Variants in SHISA9 observed in about 807,000 individuals in gnomAD.
SHISA9 encodes the protein shisa family member 9.
Under a neutral mutation model 38.0 loss-of-function variants are expected in SHISA9, and 13 were observed. The ratio of observed to expected loss-of-function variants is 0.34; its 90% CI spans 0.22 to 0.54. SHISA9 has a LOEUF of 0.54. SHISA9 is among the 20% of genes least tolerant of loss of function. The pLI, the probability that SHISA9 is intolerant of heterozygous loss-of-function variation, is 0.91. For synonymous variants in SHISA9, 275 were observed against 242.0 expected (o/e 1.14, Z -1.27); for missense variants, 538 against 575.8 (o/e 0.93, Z 0.67).
chr16:13,080,867 A>G lies in SHISA9; in HGVS notation c.692-122527A>G, dbSNP rs527302704. ...TGGAGACTGGGAAGTCGAAGGACGAAGTGCCTGCAGATATGGTATCTGGTG... is the reference window on the plus strand; with the variant it reads ...TGGAGACTGGGAAGTCGAAGGACGAGGTGCCTGCAGATATGGTATCTGGTG... On this transcript the variant is annotated intron_variant, in intron 2 of 4. Transcript: ENST00000558583. Among the ~76,000 whole-genome samples the G allele has an allele frequency of 3.3e-5, 5 of 152,334 alleles. No individual in the cohort carries two copies. In the South Asian group the frequency reaches 8.3e-4, roughly 25 times the overall value.
chr16:12,936,418 A>T (rs1365533612), intron 2 of SHISA9, among the ~76,000 whole-genome samples: 1 of 152,166 alleles, frequency 6.6e-6, no homozygotes, highest in Non-Finnish European at 1.5e-5. Context: ...AGTGTCTTTA[A>T]GTTATGTGAA....
the SHISA9 span, among the ~76,000 whole-genome samples, chr16:13,534,704 C>G: frequency 6.6e-6 from 1 of 152,176 alleles, no homozygotes; most frequent in Non-Finnish European, 1.5e-5. Context: ...TCAGGGGAAA[C>G]TCTCCTTCAG....
At chr16:12,998,886 T>C (rs1434425324) in intron 2 of SHISA9, among the ~76,000 whole-genome samples, 2 of 152,212 alleles carry the variant, frequency 1.3e-5, no homozygotes, top group African/African-American at 2.4e-5. Flanking sequence ...ATATATTTTC[T>C]AAGGTCACCA....
chr16:13,527,523 C>T, the SHISA9 span, among the ~76,000 whole-genome samples: 1 of 152,142 alleles, frequency 6.6e-6, no homozygotes, highest in African/African-American at 2.4e-5. Flanking sequence ...TGTGACTAGT[C>T]TAGTTAAATA....
chr16:12,912,042 A>G (rs2071190810), intron 1 of SHISA9, among the ~76,000 whole-genome samples: 1 of 152,216 alleles, frequency 6.6e-6, no homozygotes, highest in Non-Finnish European at 1.5e-5. Context: ...GCTGGTGGTC[A>G]TCTTCCTTGG....
At chr16:13,526,676 A>G in the SHISA9 span, among the ~76,000 whole-genome samples, 1 of 152,140 alleles carries the variant, frequency 6.6e-6, no homozygotes, top group African/African-American at 2.4e-5. Context: ...ATGAACTACC[A>G]GGCCCAGGCT....
At chr16:13,117,827 T>G (rs983486582) in intron 2 of SHISA9, among the ~76,000 whole-genome samples, 2 of 152,208 alleles carry the variant, frequency 1.3e-5, no homozygotes, top group African/African-American at 4.8e-5. Context: ...AATCAGTTTC[T>G]GTATTCTGGC....
the SHISA9 span, among the ~76,000 whole-genome samples, chr16:13,261,077 C>T: frequency 6.6e-6 from 1 of 152,146 alleles, no homozygotes; most frequent in Non-Finnish European, 1.5e-5. Context: ...ATTCAATTAC[C>T]TCTGCCTGGG....
intron 2 of SHISA9, among the ~76,000 whole-genome samples, chr16:13,019,831 T>C (rs1286994076): frequency 1.8e-4 from 19 of 106,288 alleles, no homozygotes; most frequent in East Asian, 8.8e-4. Flanking sequence ...TTTCTTTCTT[T>C]CTTTTTCCTT....
intron 2 of SHISA9, among the ~76,000 whole-genome samples, chr16:13,038,564 G>A (rs538233606): frequency 1.3e-5 from 2 of 152,142 alleles, no homozygotes; most frequent in African/African-American, 2.4e-5. Context: ...TGACTAGAAC[G>A]CTTGCATCCT....
chr16:13,070,214 T>A (rs564868537), intron 2 of SHISA9, among the ~76,000 whole-genome samples: 1 of 151,480 alleles, frequency 6.6e-6, no homozygotes, highest in East Asian at 1.9e-4. Context: ...TTCTCCCTCC[T>A]CCCATCCTTT....
the SHISA9 span, among the ~76,000 whole-genome samples, chr16:13,412,516 A>T: frequency 6.6e-6 from 1 of 151,638 alleles, no homozygotes; most frequent in Non-Finnish European, 1.5e-5. Context: ...ACTGTGCAAG[A>T]CACATAGATG....
chr16:13,523,428 C>T, the SHISA9 span, among the ~76,000 whole-genome samples: 1 of 152,148 alleles, frequency 6.6e-6, no homozygotes, highest in Non-Finnish European at 1.5e-5. Context: ...GCCATTTTTG[C>T]ATTGCTACAA....
intron 2 of SHISA9, among the ~76,000 whole-genome samples, chr16:12,985,816 C>A (rs1054244026): frequency 2.6e-5 from 4 of 152,182 alleles, no homozygotes; most frequent in African/African-American, 9.6e-5. Flanking sequence ...TCTCAGAGGA[C>A]TTTTCTGGAT....
At chr16:13,431,938 G>A in the SHISA9 span, among the ~76,000 whole-genome samples, 3 of 152,174 alleles carry the variant, frequency 2.0e-5, no homozygotes, top group Admixed American at 1.3e-4. Context: ...GCACACGCCT[G>A]CAGTCCCAGC....
At chr16:13,348,509 T>C in the SHISA9 span, among the ~76,000 whole-genome samples, 9 of 151,896 alleles carry the variant, frequency 5.9e-5, no homozygotes, top group Admixed American at 1.3e-4. Flanking sequence ...GGTTGAGTAA[T>C]TTGCCTAAGA....
At chr16:13,255,205 C>T in the SHISA9 span, among the ~76,000 whole-genome samples, 29 of 152,008 alleles carry the variant, frequency 1.9e-4, no homozygotes, top group Non-Finnish European at 3.2e-4. Flanking sequence ...GCTCCTTTTC[C>T]TCTCTGTTCC....
chr16:13,135,089 C>T (rs1436495123), intron 2 of SHISA9, among the ~76,000 whole-genome samples: 1 of 152,190 alleles, frequency 6.6e-6, no homozygotes, highest in African/African-American at 2.4e-5. Context: ...TTAGCTAAAA[C>T]AAGTCACATG....
chr16:13,142,406 G>C (rs1422655612), intron 2 of SHISA9, among the ~76,000 whole-genome samples: 3 of 152,174 alleles, frequency 2.0e-5, no homozygotes, highest in African/African-American at 7.2e-5. Flanking sequence ...AGTTTTTCCA[G>C]GTTTCACTGG....
Sources: gnomAD v4.1 joint callset for allele counts (sites outside exome capture counted in the v4.1 genomes callset) on GRCh38, gnomAD v4.1.1 for gene constraint, MANE v1.5 for transcripts, NCBI Gene and HGNC (gene_info 2026-07-23, HGNC 2026-07-21) for gene names.